The following TRMT11 variants were observed in gnomAD, a reference collection of about 807,000 sequenced individuals.
TRMT11 encodes the protein tRNA (guanine(10)-N(2))-methyltransferase TRMT11.
TRMT11 carries 53 observed loss-of-function variants against 62.8 expected under a neutral mutation model. That is an observed-to-expected ratio of 0.84 (90% confidence interval 0.68 to 1.06). The LOEUF (loss-of-function observed/expected upper bound fraction) is 1.06, where lower values mean the gene tolerates loss of function less well. Among genes scored for constraint, TRMT11 ranks in the 50% least tolerant of loss-of-function variants. The pLI, the probability that TRMT11 is intolerant of heterozygous loss-of-function variation, is 0.00. For missense variants in TRMT11, 556 were observed against 553.4 expected (o/e 1.00, Z -0.05); for synonymous variants, 188 against 190.3 (o/e 0.99, Z 0.10).
chr6:126,144,176 A>G (rs996539227), intron 21 of TRMT11, among the ~76,000 whole-genome samples: 3 of 152,104 alleles, frequency 2.0e-5, no homozygotes, highest in Non-Finnish European at 4.4e-5. Context: ...TCCGTTTTGT[A>G]AAGCTCAGAC....
At chr6:126,085,583 C>T (rs1181687224) in intron 17 of TRMT11, among the ~76,000 whole-genome samples, 1 of 152,162 alleles carries the variant, frequency 6.6e-6, no homozygotes, top group Non-Finnish European at 1.5e-5. Context: ...TCATGAAGAC[C>T]TGCAGTGTCA....
chr6:126,004,780 T>C (rs1204253199), intron 7 of TRMT11, among the ~76,000 whole-genome samples: 1 of 152,090 alleles, frequency 6.6e-6, no homozygotes, highest in Non-Finnish European at 1.5e-5. Context: ...TACTCATGGT[T>C]CGTGATTTTT....
At chr6:125,993,678 A>G in intron 1 of TRMT11, 79 bp from the exon 2 acceptor site, 2 of 823,906 alleles carry the variant, frequency 2.4e-6, no homozygotes, top group East Asian at 5.3e-5. Context: ...TTTTTTAGTC[A>G]TGTAATACCT....
At chr6:126,008,613 T>C (rs974730617) in intron 8 of TRMT11, 141 bp downstream of exon 8, 2 of 790,508 alleles carry the variant, frequency 2.5e-6, no homozygotes, top group Admixed American at 1.8e-5. Context: ...CTCTGCCCTC[T>C]TGAAACATCA....
downstream of TRMT11, among the ~76,000 whole-genome samples, chr6:126,040,565 T>C (rs1354675655): frequency 6.6e-6 from 1 of 152,130 alleles, no homozygotes; most frequent in Non-Finnish European, 1.5e-5. Context: ...CAGCAGATCC[T>C]TTCCAGGATT....
the TRMT11 span, among the ~76,000 whole-genome samples, chr6:126,236,174 G>A: frequency 6.6e-6 from 1 of 152,186 alleles, no homozygotes; most frequent in African/African-American, 2.4e-5. Flanking sequence ...CATTGTATAG[G>A]AGATAGCACA....
the TRMT11 span, among the ~76,000 whole-genome samples, chr6:126,251,557 A>G: frequency 5.9e-5 from 9 of 152,274 alleles, no homozygotes; most frequent in African/African-American, 2.2e-4. Context: ...GTTGTACAAC[A>G]TATCTCCTCA....
chr6:126,207,808 A>G (rs1778803717), downstream of TRMT11, among the ~76,000 whole-genome samples: 2 of 152,262 alleles, frequency 1.3e-5, no homozygotes, highest in Admixed American at 1.3e-4. Flanking sequence ...TAATAATCAT[A>G]GTTATTGTCA....
rs565426414 is a variant in TRMT11 at position 126,014,260 on chromosome 6, T to C, written c.1139+1159T>C. On this transcript the variant is annotated intron_variant, in intron 11 of 12. Coordinates refer to ENST00000334379, the MANE Select transcript of TRMT11 (RefSeq NM_001031712.3). ...GTATTTGTATTTTATTTTATTTTAT[T>C]TATTTTTTGAGACAGGGTTTCACTT... Among the ~76,000 whole-genome samples, 5 of 152,128 alleles carry C rather than the reference T, an allele frequency of 3.3e-5. No homozygotes were observed. In the South Asian group the frequency reaches 1.0e-3, roughly 32 times the overall value.
intron 21 of TRMT11, among the ~76,000 whole-genome samples, chr6:126,122,270 A>T (rs1051353377): frequency 3.9e-5 from 6 of 152,092 alleles, no homozygotes; most frequent in African/African-American, 1.2e-4. Context: ...GAACAGACTA[A>T]TACAGGCTCA....
At position 126,011,300 on chromosome 6, in the gene TRMT11, A is replaced by C. The variant is rs1448727004; in HGVS notation, c.808A>C (p.Ile270Leu). 1 of 1,613,342 alleles carries C rather than the reference A, an allele frequency of 6.2e-7. No homozygotes were observed. The highest frequency in any genetic ancestry group is 1.1e-5 in the South Asian group (1 of 91,058). ...GAAGTGGAGAGGACCAGATGAAAAC[A>C]TTAGGGCCAATCTTCGTCAATATGG... is the stretch of plus-strand genomic sequence containing the variant. ...NQKWRGPDEN[I>L]RANLRQYGLE... The change falls in exon 9 of 13, where the codon ATT (isoleucine) becomes CTT (leucine). Residue 270 changes from isoleucine (I) to leucine (L), a missense_variant. Ile to Leu is a conservative substitution (Grantham distance 5). Transcript: ENST00000334379.
the TRMT11 span, among the ~76,000 whole-genome samples, chr6:126,217,848 C>G: frequency 6.6e-6 from 1 of 152,134 alleles, no homozygotes; most frequent in Non-Finnish European, 1.5e-5. Flanking sequence ...GCAATTTTCC[C>G]TCAACTGCAG....
At chr6:126,191,920 A>C (rs1165711107) in intron 1 of TRMT11, among the ~76,000 whole-genome samples, 1 of 151,778 alleles carries the variant, frequency 6.6e-6, no homozygotes, top group African/African-American at 2.4e-5. Context: ...TTGCTTTTTT[A>C]TTTGGATTCT....
chr6:126,078,950 A>G (rs543906840), intron 17 of TRMT11, among the ~76,000 whole-genome samples: 1 of 152,344 alleles, frequency 6.6e-6, no homozygotes, highest in South Asian at 2.1e-4. Context: ...GTCACATTCA[A>G]TTCTCATGAT....
chr6:126,128,563 A>C (rs776569214), intron 21 of TRMT11, among the ~76,000 whole-genome samples: 8 of 152,106 alleles, frequency 5.3e-5, no homozygotes, highest in Non-Finnish European at 1.0e-4. Flanking sequence ...GAGCATGGTT[A>C]TATGTAAATA....
intron 21 of TRMT11, among the ~76,000 whole-genome samples, chr6:126,128,863 C>A (rs929431287): frequency 3.3e-5 from 5 of 150,858 alleles, no homozygotes; most frequent in African/African-American, 1.2e-4. Flanking sequence ...ACTCTGAACA[C>A]GTAGGAGCAC....
chr6:126,011,097 A>G (rs762846370), intron 8 of TRMT11, among the ~76,000 whole-genome samples, 156 bp from the exon 9 acceptor site: 1 of 152,230 alleles, frequency 6.6e-6, no homozygotes, highest in Non-Finnish European at 1.5e-5. Context: ...AAATTAAAAT[A>G]ACTATTTACT....
chr6:126,198,284 T>C (rs1453235519), intron 1 of TRMT11, among the ~76,000 whole-genome samples: 1 of 152,124 alleles, frequency 6.6e-6, no homozygotes, highest in Non-Finnish European at 1.5e-5. Flanking sequence ...AGGAAACCAT[T>C]GTAGGGAAAA....
At chr6:126,026,097 A>G (rs1278984716) in intron 12 of TRMT11, among the ~76,000 whole-genome samples, 1 of 152,206 alleles carries the variant, frequency 6.6e-6, no homozygotes, top group Non-Finnish European at 1.5e-5. Flanking sequence ...CCTTGTTGAT[A>G]TATTCTGAAA....
Sources: allele counts gnomAD v4.1 joint callset (sites outside exome capture counted in the v4.1 genomes callset), GRCh38; gene constraint gnomAD v4.1.1; transcripts MANE v1.5; gene names NCBI Gene and HGNC (gene_info 2026-07-23, HGNC 2026-07-21).